Variants in PUM2 observed in about 807,000 individuals in gnomAD.
PUM2 encodes the protein pumilio homolog 2.
PUM2 carries 57 observed loss-of-function variants against 124.5 expected under a neutral mutation model. The ratio of observed to expected loss-of-function variants is 0.46; its 90% CI spans 0.37 to 0.57. PUM2 has a LOEUF of 0.57. PUM2 is among the 20% of genes least tolerant of loss of function. The pLI, the probability that PUM2 is intolerant of heterozygous loss-of-function variation, is 0.00. For synonymous variants in PUM2, 460 were observed against 446.1 expected (o/e 1.03, Z -0.39); for missense variants, 1,065 against 1,290.6 (o/e 0.83, Z 2.68).
At chr2:20,322,409 C>G (rs916423451) in intron 2 of PUM2, among the ~76,000 whole-genome samples, 1 of 151,510 alleles carries the variant, frequency 6.6e-6, no homozygotes, top group Non-Finnish European at 1.5e-5. Context: ...ACTGTGAGAC[C>G]CTGTCTCTTT....
intron 13 of PUM2, among the ~76,000 whole-genome samples, chr2:20,264,733 T>G (rs1229451745): frequency 2.6e-5 from 4 of 152,082 alleles, no homozygotes; most frequent in Non-Finnish European, 5.9e-5. Context: ...TAGTACTATA[T>G]ATACAATCCA....
intron 13 of PUM2, among the ~76,000 whole-genome samples, chr2:20,273,511 A>C (rs1669506952): frequency 6.6e-6 from 1 of 152,224 alleles, no homozygotes; most frequent in East Asian, 1.9e-4. Flanking sequence ...AAGGATAATA[A>C]ATAAAAAATT....
At chr2:20,282,799 T>A in intron 12 of PUM2, 148 bp downstream of exon 12, 1 of 883,644 alleles carries the variant, frequency 1.1e-6, no homozygotes, top group Non-Finnish European at 1.6e-6. Flanking sequence ...ATTTGCAGGA[T>A]TTTTTTTTCC....
rs191442919 is a variant in PUM2 at position 20,258,260 on chromosome 2, T to A, written c.2467A>T (p.Ile823Phe). Residue 823 changes from isoleucine to phenylalanine, a missense_variant, in exon 16 of 21, where the codon ATT (isoleucine) becomes TTT (phenylalanine). Physicochemically the swap from Ile to Phe is conservative, Grantham distance 21. Transcript: ENST00000361078. ...CRVIQKALES[I>F]SSDQQSEMVK... The stretch of plus-strand genomic sequence containing the variant: ...ACAATTACCTGCTGGTCAGAAGAAA[T>A]AGATTCTAATGCTTTCTGAATAACG... 5 of 1,600,154 alleles carry A rather than the reference T, an allele frequency of 3.1e-6. No homozygotes were observed. The highest frequency in any genetic ancestry group is 4.3e-6 in the Non-Finnish European group (5 of 1,171,974).
rs189572816 is a variant in PUM2, at chr2:20,260,485, T to A, written c.2226-19A>T. The A allele has an allele frequency of 6.3e-7, 1 of 1,587,396 alleles. No homozygotes were observed. The highest frequency in any genetic ancestry group is 1.7e-5 in the Admixed American group (1 of 59,558). On this transcript the variant is annotated intron_variant, in intron 14 of 20. Transcript: ENST00000361078. ...TATGAATCTACATAGGGAACATTTT[T>A]AATATGACAATATGTTTTTTAATAC... is the stretch of plus-strand genomic sequence containing the variant.
intron 7 of PUM2, among the ~76,000 whole-genome samples, chr2:20,301,357 A>G (rs1384474711): frequency 6.6e-6 from 1 of 152,176 alleles, no homozygotes; most frequent in Non-Finnish European, 1.5e-5. Flanking sequence ...TAAAAAATCT[A>G]AAAGTTTAAT....
intron 9 of PUM2, among the ~76,000 whole-genome samples, chr2:20,293,447 G>A (rs1482950658): frequency 6.6e-6 from 1 of 152,208 alleles, no homozygotes; most frequent in Non-Finnish European, 1.5e-5. Context: ...GGTGGCTCAC[G>A]CCTATAATTC....
chr2:20,283,331 A>G lies in PUM2; in HGVS notation c.1435+12T>C. 1.2e-6 allele frequency: 2 copies of G among 1,613,590 alleles called. No homozygotes were observed. Among genetic ancestry groups the G allele is most frequent in the South Asian group, 2.2e-5 (2 of 91,036 alleles). ...AGAAAAATATTATCCTAAAAATGTC[A>G]GTTACACTTACCAGCTTGTGCTGCT... On this transcript the variant is annotated intron_variant, in intron 11 of 20. Coordinates refer to ENST00000361078, the MANE Select transcript of PUM2 (RefSeq NM_015317.5).
chr2:20,323,152 C>T (rs1025152527), intron 2 of PUM2, among the ~76,000 whole-genome samples: 10 of 152,050 alleles, frequency 6.6e-5, no homozygotes, highest in South Asian at 2.1e-4. Context: ...ATAAACTGCA[C>T]GGAATTACAT....
At chr2:20,259,589 C>A (rs1193421208) in intron 15 of PUM2, among the ~76,000 whole-genome samples, 1 of 152,186 alleles carries the variant, frequency 6.6e-6, no homozygotes, top group Non-Finnish European at 1.5e-5. Context: ...AAGGTCCATC[C>A]ATGTTGTAGT....
At chr2:20,277,334 T>A (rs1250948666) in intron 13 of PUM2, among the ~76,000 whole-genome samples, 2 of 152,090 alleles carry the variant, frequency 1.3e-5, no homozygotes. Context: ...CGACTAAGAA[T>A]ACATGATAAA....
In PUM2 at chr2:20,249,555, C is replaced by T. The variant is rs569250566; in HGVS notation, c.*2030G>A. On this transcript the variant is annotated 3_prime_UTR_variant, in exon 21 of 21. Transcript: ENST00000361078. ...TCAACACCAAACATGAAAAAGTATG[C>T]CTGGCATCCCCAAACTTTATGCCAT... 2 of 152,706 alleles carry T rather than the reference C, an allele frequency of 1.3e-5. No individual in the cohort carries two copies. The highest frequency in any genetic ancestry group is 1.9e-4 in the East Asian group (1 of 5,186). 9.5% of individuals were successfully genotyped at this position (152,706 alleles called of 1,614,324 possible).
chr2:20,333,671 G>A (rs760693687), intron 1 of PUM2, among the ~76,000 whole-genome samples: 7 of 152,152 alleles, frequency 4.6e-5, no homozygotes, highest in Non-Finnish European at 1.0e-4. Context: ...TCAGCACTTT[G>A]GGAGGCCAAT....
At chr2:20,309,606 G>GTTTTATGACA (rs1679151388) in intron 5 of PUM2, among the ~76,000 whole-genome samples, 2 of 152,016 alleles carry the variant, frequency 1.3e-5, no homozygotes, top group Non-Finnish European at 2.9e-5. Flanking sequence ...ATACATAAAT[G>GTTTTATGACA]TTTTATATAG....
chr2:20,267,809 T>A (rs1280417485), intron 13 of PUM2, among the ~76,000 whole-genome samples: 1 of 152,182 alleles, frequency 6.6e-6, no homozygotes, highest in African/African-American at 2.4e-5. Flanking sequence ...AGTGTGCCAA[T>A]CTTCTGTGCT....
chr2:20,260,499 GT>G (rs1665919271), intron 14 of PUM2, 33 bp from the exon 15 acceptor site: 2 of 1,561,396 alleles, frequency 1.3e-6, no homozygotes, highest in Non-Finnish European at 8.8e-7. Context: ...ATGACAATAT[GT>G]TTTTTAATAC....
chr2:20,338,811 A>G (rs934298558), intron 1 of PUM2, among the ~76,000 whole-genome samples: 1 of 152,240 alleles, frequency 6.6e-6, no homozygotes, highest in Non-Finnish European at 1.5e-5. Context: ...CTATCATCCT[A>G]GTTTTGTAAA....
At position 20,350,843 on chromosome 2, in the gene PUM2, CT is replaced by C; in HGVS notation, c.-266del. ...GGCTGCCACCGCCGCCTGCCCTCCC[CT>C]CCCCCCCGCCCACCGGGCGCGCGCA... On this transcript the variant is annotated 5_prime_UTR_variant, in exon 1 of 21. Transcript: ENST00000361078. The C allele has an allele frequency of 2.1e-6, 2 of 969,076 alleles. No individual in the cohort carries two copies. The highest frequency in any genetic ancestry group is 2.5e-6 in the Non-Finnish European group (2 of 815,264). The allele number at this position is 969,076 out of a possible 1,614,324, so 60.0% of individuals were successfully genotyped here.
chr2:20,277,231 G>A (rs1670468287), intron 13 of PUM2, among the ~76,000 whole-genome samples: 1 of 152,110 alleles, frequency 6.6e-6, no homozygotes, highest in South Asian at 2.1e-4. Context: ...GATTTGTTGT[G>A]TTCCAAATTT....
Sources: gnomAD v4.1 joint callset for allele counts (sites outside exome capture counted in the v4.1 genomes callset) on GRCh38, gnomAD v4.1.1 for gene constraint, MANE v1.5 for transcripts, NCBI Gene and HGNC (gene_info 2026-07-23, HGNC 2026-07-21) for gene names.